The following CXADR variants were observed in gnomAD, a reference collection of about 807,000 sequenced individuals.
CXADR encodes CXADR cell adhesion molecule, also known as coxsackievirus and adenovirus receptor.
Under a neutral mutation model 40.3 loss-of-function variants are expected in CXADR, and 20 were observed. The ratio of observed to expected loss-of-function variants is 0.50; its 90% CI spans 0.35 to 0.72. The LOEUF is 0.72. CXADR is among the 30% of genes least tolerant of loss of function. CXADR has a pLI of 0.01. For missense variants in CXADR, 332 were observed against 449.1 expected (o/e 0.74, Z 2.36); for synonymous variants, 150 against 161.3 (o/e 0.93, Z 0.53).
intron 7 of CXADR, among the ~76,000 whole-genome samples, chr21:17,580,451 C>G (rs892690507): frequency 6.6e-5 from 10 of 152,102 alleles, no homozygotes; most frequent in African/African-American, 2.4e-4. Flanking sequence ...AAACCTGTCT[C>G]TGGTAAAAAT....
intron 1 of CXADR, among the ~76,000 whole-genome samples, chr21:17,533,271 G>C (rs2060701503): frequency 6.6e-6 from 1 of 152,074 alleles, no homozygotes; most frequent in Non-Finnish European, 1.5e-5. Context: ...TCCAAAAAAA[G>C]AAAAAGTTTC....
chr21:17,603,963 C>A, the CXADR span, among the ~76,000 whole-genome samples: 1 of 152,194 alleles, frequency 6.6e-6, no homozygotes, highest in Non-Finnish European at 1.5e-5. Context: ...CAGAATGTTG[C>A]TTTCGTTTTT....
At chr21:17,541,319 G>A (rs953460599) in intron 1 of CXADR, among the ~76,000 whole-genome samples, 1 of 152,058 alleles carries the variant, frequency 6.6e-6, no homozygotes, top group Non-Finnish European at 1.5e-5. Context: ...TTGGGAGGCC[G>A]AGGCGGGCGG....
At chr21:17,514,713 A>C (rs1248078885) in intron 1 of CXADR, among the ~76,000 whole-genome samples, 2 of 151,688 alleles carry the variant, frequency 1.3e-5, no homozygotes, top group Non-Finnish European at 2.9e-5. Flanking sequence ...GGCTCACCAC[A>C]ACCTCCGCCC....
the CXADR span, among the ~76,000 whole-genome samples, chr21:17,635,549 C>T: frequency 6.6e-6 from 1 of 152,144 alleles, no homozygotes; most frequent in South Asian, 2.1e-4. Context: ...TTGGGCACTG[C>T]TCAAGCTTAT....
chr21:17,524,501 G>A (rs77132868), intron 1 of CXADR, among the ~76,000 whole-genome samples: 6 of 144,722 alleles, frequency 4.1e-5, no homozygotes, highest in South Asian at 2.3e-4. Flanking sequence ...GCTGGAACCC[G>A]GGAGGCAGAG....
At chr21:17,522,700 A>C (rs570923197) in intron 1 of CXADR, among the ~76,000 whole-genome samples, 2 of 152,304 alleles carry the variant, frequency 1.3e-5, no homozygotes, top group South Asian at 2.1e-4. Context: ...CTCTTGAGCT[A>C]TTCCTCATTT....
rs1347216955 is a variant in CXADR at position 17,567,753 on chromosome 21, A to G, written c.*2061A>G. 1 of 847,434 alleles carries G rather than the reference A, an allele frequency of 1.2e-6. No individual in the cohort carries two copies. Among genetic ancestry groups the G allele is most frequent in the Non-Finnish European group, 1.4e-6 (1 of 703,756 alleles). 52.5% of individuals were successfully genotyped at this position (847,434 alleles called of 1,614,324 possible). A position where few individuals can be genotyped will look rare whatever the true frequency, so the allele number is the denominator to read the frequency against. On this transcript the variant is annotated 3_prime_UTR_variant, in exon 7 of 7. Coordinates refer to ENST00000284878, the MANE Select transcript of CXADR (RefSeq NM_001338.5). ...AAATAAGTAAATAAACAGAACATTAATAATAAAGTTTTGGTTCTTCCTATT... is the reference window on the plus strand; with the variant it reads ...AAATAAGTAAATAAACAGAACATTAGTAATAAAGTTTTGGTTCTTCCTATT...
chr21:17,596,023 T>C (rs545177740), downstream of CXADR, among the ~76,000 whole-genome samples: 8 of 152,182 alleles, frequency 5.3e-5, 2 homozygotes, highest in South Asian at 1.7e-3. Flanking sequence ...TGATCATAAA[T>C]GAGGCCATTC....
At chr21:17,560,610 A>G in intron 4 of CXADR, 92 bp from the exon 5 acceptor site, 1 of 1,297,970 alleles carries the variant, frequency 7.7e-7, no homozygotes, top group East Asian at 2.4e-5. Flanking sequence ...TTTTAACTGG[A>G]TTGTTTAATT....
intron 2 of CXADR, 63 bp downstream of exon 2, chr21:17,547,256 A>G: frequency 6.3e-7 from 1 of 1,598,600 alleles, no homozygotes; most frequent in Non-Finnish European, 8.5e-7. Flanking sequence ...TGTGTCCATC[A>G]CCTTGCCAGT....
At chr21:17,592,051 C>T (rs2061441905) in intron 7 of CXADR, among the ~76,000 whole-genome samples, 1 of 151,936 alleles carries the variant, frequency 6.6e-6, no homozygotes, top group African/African-American at 2.4e-5. Flanking sequence ...TAACATCTAC[C>T]TGTATGCAGT....
At chr21:17,608,989 C>A in the CXADR span, 1 of 1,613,274 alleles carries the variant, frequency 6.2e-7, no homozygotes, top group Non-Finnish European at 8.5e-7. Flanking sequence ...CCTGTCCTTT[C>A]GATGGTTTTT....
the CXADR span, among the ~76,000 whole-genome samples, chr21:17,602,435 T>C: frequency 2.5e-3 from 384 of 152,294 alleles, 1 homozygote; most frequent in Middle Eastern, 3.4e-3. Flanking sequence ...ATTTGATCAA[T>C]TGTATACTTG....
chr21:17,550,928 G>A (rs1209426835), intron 2 of CXADR, among the ~76,000 whole-genome samples: 3 of 152,144 alleles, frequency 2.0e-5, no homozygotes, highest in Non-Finnish European at 4.4e-5. Context: ...ATCTGTTAGA[G>A]TCTAGAGCCC....
chr21:17,565,107 C>A (rs2061185479), intron 6 of CXADR, among the ~76,000 whole-genome samples: 1 of 152,160 alleles, frequency 6.6e-6, no homozygotes, highest in South Asian at 2.1e-4. Context: ...ACCAGTGATA[C>A]TAGAATATGA....
At chr21:17,526,790 A>T (rs1037654572) in intron 1 of CXADR, among the ~76,000 whole-genome samples, 1 of 152,128 alleles carries the variant, frequency 6.6e-6, no homozygotes, top group African/African-American at 2.4e-5. Context: ...ATTTTCTGTG[A>T]TCACATCTTT....
At chr21:17,543,265 A>G (rs914297106) in intron 1 of CXADR, among the ~76,000 whole-genome samples, 9 of 152,300 alleles carry the variant, frequency 5.9e-5, no homozygotes, top group Middle Eastern at 6.8e-3. Context: ...TTACACATAT[A>G]TGACTATTTT....
At chr21:17,534,854 G>T (rs554848025) in intron 1 of CXADR, among the ~76,000 whole-genome samples, 1 of 142,910 alleles carries the variant, frequency 7.0e-6, no homozygotes, top group South Asian at 2.2e-4. Context: ...GTGCAATCTT[G>T]GCTCACTGCA....
Sources: gnomAD v4.1 joint callset for allele counts (sites outside exome capture counted in the v4.1 genomes callset) on GRCh38, gnomAD v4.1.1 for gene constraint, MANE v1.5 for transcripts, NCBI Gene and HGNC (gene_info 2026-07-23, HGNC 2026-07-21) for gene names.